ROR1: variants seen among roughly 807,000 people sequenced by gnomAD.
ROR1 encodes inactive tyrosine-protein kinase transmembrane receptor ROR1.
Under a neutral mutation model 78.8 loss-of-function variants are expected in ROR1, and 19 were observed. The observed-to-expected ratio is 0.24, with a 90% confidence interval of 0.17 to 0.35. ROR1 has a LOEUF of 0.35. ROR1 is among the 10% of genes least tolerant of loss of function. The pLI, the probability that ROR1 is intolerant of heterozygous loss-of-function variation, is 1.00. For synonymous variants in ROR1, 386 were observed against 433.6 expected, an observed-to-expected ratio of 0.89 and a Z score of 1.36; for missense variants, 917 against 1,177.8, an observed-to-expected ratio of 0.78 and a Z score of 3.24.
chr1:64,142,457 G>A lies in ROR1; in HGVS notation c.981G>A (p.Val327=), dbSNP rs141581176. The change falls in exon 7 of 9, where the codon GTG becomes GTA. Residue 327 remains valine, a synonymous_variant. Coordinates refer to ENST00000371079, the MANE Select transcript of ROR1 (RefSeq NM_005012.4). ...TGGACTACCGGGGGACCGTCAGTGT[G>A]ACCAAATCAGGGCGCCAGTGCCAGC... ...TGVDYRGTVS[V]TKSGRQCQPW... 1 of 1,614,104 alleles carries A rather than the reference G, an allele frequency of 6.2e-7. No individual in the cohort carries two copies. Among genetic ancestry groups the A allele is most frequent in the East Asian group, 2.2e-5 (1 of 44,872 alleles).
At chr1:63,837,322 G>A (rs1569793954) in intron 1 of ROR1, among the ~76,000 whole-genome samples, 1 of 152,080 alleles carries the variant, frequency 6.6e-6, no homozygotes, top group Non-Finnish European at 1.5e-5. Flanking sequence ...CTGGTGTTTT[G>A]AAAGTGGTTA....
At chr1:64,107,704 G>A (rs1051133946) in intron 4 of ROR1, among the ~76,000 whole-genome samples, 7 of 151,388 alleles carry the variant, frequency 4.6e-5, no homozygotes, top group Admixed American at 4.6e-4. Context: ...TCACTTTTTA[G>A]ATTTCTATTT....
intron 1 of ROR1, among the ~76,000 whole-genome samples, chr1:63,989,103 A>T (rs889340981): frequency 6.7e-6 from 1 of 150,258 alleles, no homozygotes; most frequent in Non-Finnish European, 1.5e-5. Context: ...TTACATTCCT[A>T]CGAGCAGTGC....
chr1:64,071,992 G>A (rs1345199537), intron 4 of ROR1, among the ~76,000 whole-genome samples: 1 of 152,078 alleles, frequency 6.6e-6, no homozygotes, highest in East Asian at 1.9e-4. Flanking sequence ...CTATGTTGTG[G>A]TCCATGGTTT....
At chr1:64,057,975 C>T (rs1646888279) in intron 4 of ROR1, among the ~76,000 whole-genome samples, 1 of 152,110 alleles carries the variant, frequency 6.6e-6, no homozygotes, top group Non-Finnish European at 1.5e-5. Flanking sequence ...AATCCATGAA[C>T]ATGGGATGTC....
Position 63,984,682 on chromosome 1 carries a change from G to T in ROR1, c.92-24623G>T, listed in dbSNP as rs987414199. On this transcript the variant is annotated intron_variant, in intron 1 of 8. Coordinates refer to ENST00000371079, the MANE Select transcript of ROR1 (RefSeq NM_005012.4). The stretch of plus-strand genomic sequence containing the variant: ...TAGAAGTTGATTTGGGGATGCCTGG[G>T]AATGCAGTCTCCTGGAATTGCATTT... 2.6e-5 allele frequency among the ~76,000 whole-genome samples: 4 copies of T among 152,296 alleles called. No homozygotes were observed. The East Asian group carries it at 7.7e-4, about 29-fold the overall frequency.
At position 63,847,257 on chromosome 1, in the gene ROR1, C is replaced by T. The variant is rs189541276; in HGVS notation, c.91+72749C>T. ...TAAAGACGGGACTTGGAGGAATTCTCCCTGTGGTGGGACAGGAGTTTTCTC... is the reference window on the plus strand; with the variant it reads ...TAAAGACGGGACTTGGAGGAATTCTTCCTGTGGTGGGACAGGAGTTTTCTC... On this transcript the variant is annotated intron_variant, in intron 1 of 8. Transcript: ENST00000371079. 5.3e-5 allele frequency among the ~76,000 whole-genome samples: 8 copies of T among 152,256 alleles called. 1 individual carries two copies. The highest frequency in any genetic ancestry group is 1.9e-4 in the African/African-American group (8 of 41,556).
chr1:63,940,498 C>CAGATGGATAGAT (rs1553145978), intron 1 of ROR1, among the ~76,000 whole-genome samples: 1 of 75,138 alleles, frequency 1.3e-5, no homozygotes, highest in Non-Finnish European at 3.7e-5. Context: ...GATAGACAGA[C>CAGATGGATAGAT]AGATAGATAG....
intron 1 of ROR1, among the ~76,000 whole-genome samples, chr1:63,865,529 G>C (rs1380814989): frequency 1.3e-5 from 2 of 152,162 alleles, no homozygotes; most frequent in Non-Finnish European, 2.9e-5. Flanking sequence ...CTTTGAGCAA[G>C]TTTATTTAAT....
intron 4 of ROR1, among the ~76,000 whole-genome samples, chr1:64,094,010 T>C (rs1647233036): frequency 6.6e-6 from 1 of 152,190 alleles, no homozygotes. Flanking sequence ...CATTGAAAGC[T>C]AGGCCTATCA....
intron 7 of ROR1, among the ~76,000 whole-genome samples, chr1:64,156,770 A>G (rs954336648): frequency 5.3e-5 from 8 of 151,232 alleles, no homozygotes; most frequent in African/African-American, 1.9e-4. Context: ...CTTCAGTGTT[A>G]TTCCCTTCCT....
intron 8 of ROR1, among the ~76,000 whole-genome samples, chr1:64,176,507 A>C (rs754868918): frequency 6.6e-6 from 1 of 152,162 alleles, no homozygotes; most frequent in Non-Finnish European, 1.5e-5. Context: ...CAAAAGTTAA[A>C]TGTTGTATCT....
intron 1 of ROR1, among the ~76,000 whole-genome samples, chr1:63,929,270 TG>T (rs1645732592): frequency 6.6e-6 from 1 of 152,204 alleles, no homozygotes; most frequent in Non-Finnish European, 1.5e-5. Flanking sequence ...TTCCTGACCT[TG>T]GGGAATTTTG....
intron 1 of ROR1, among the ~76,000 whole-genome samples, chr1:63,883,239 AT>A (rs1483854919): frequency 6.6e-6 from 1 of 152,052 alleles, no homozygotes; most frequent in African/African-American, 2.4e-5. Context: ...AGGAAAAAAA[AT>A]ATCCCTACAC....
intron 2 of ROR1, among the ~76,000 whole-genome samples, chr1:64,031,154 C>T (rs1646656702): frequency 6.6e-6 from 1 of 152,172 alleles, no homozygotes; most frequent in Non-Finnish European, 1.5e-5. Context: ...AGGCATGAGC[C>T]ACCACGCCCA....
chr1:63,918,050 G>A (rs976772125), intron 1 of ROR1, among the ~76,000 whole-genome samples: 4 of 152,200 alleles, frequency 2.6e-5, no homozygotes, highest in Non-Finnish European at 4.4e-5. Context: ...CTGCCATCTC[G>A]CAGACTCTTG....
chr1:63,833,517 C>T (rs1401788689), intron 1 of ROR1, among the ~76,000 whole-genome samples: 1 of 152,152 alleles, frequency 6.6e-6, no homozygotes, highest in African/African-American at 2.4e-5. Flanking sequence ...GCTCCCAGGG[C>T]CCAGGGTTCT....
intron 1 of ROR1, among the ~76,000 whole-genome samples, chr1:63,866,912 TAAG>T (rs1645219078): frequency 1.3e-5 from 2 of 152,178 alleles, no homozygotes; most frequent in African/African-American, 4.8e-5. Flanking sequence ...TTTTTTTCCC[TAAG>T]AAGAATATGT....
chr1:63,979,934 T>A (rs1236409211), intron 1 of ROR1, among the ~76,000 whole-genome samples: 11 of 152,072 alleles, frequency 7.2e-5, no homozygotes, highest in Admixed American at 7.2e-4. Flanking sequence ...TGCCAGACTA[T>A]TTGGGAACAA....
Sources: allele counts gnomAD v4.1 joint callset (sites outside exome capture counted in the v4.1 genomes callset), GRCh38; gene constraint gnomAD v4.1.1; transcripts MANE v1.5; gene names NCBI Gene and HGNC (gene_info 2026-07-23, HGNC 2026-07-21).